Variants in TEX10 observed in about 807,000 individuals in gnomAD.
TEX10 encodes the protein testis expressed 10.
Under a neutral mutation model 104.4 loss-of-function variants are expected in TEX10, and 24 were observed. That is an observed-to-expected ratio of 0.23 (90% CI 0.17 to 0.32). The LOEUF (loss-of-function observed/expected upper bound fraction) is 0.32. Ranked by LOEUF, TEX10 falls within the 10% of genes least tolerant of loss-of-function variation. TEX10 has a pLI of 1.00. For synonymous variants in TEX10, 396 were observed against 393.4 expected (o/e 1.01, Z -0.08); for missense variants, 921 against 1,083.9 (o/e 0.85, Z 2.11).
chr9:100,307,889 G>A (rs963800786), intron 13 of TEX10: 1 of 152,060 alleles, frequency 6.6e-6, no homozygotes, highest in South Asian at 2.1e-4. Context: ...TTAACAGCAG[G>A]TGACAGAATA....
intron 11 of TEX10, among the ~76,000 whole-genome samples, chr9:100,319,809 A>AAAAAT (rs1034971803): frequency 1.1e-3 from 162 of 152,290 alleles, no homozygotes; most frequent in African/African-American, 3.7e-3. Context: ...TCTGTCTCAA[A>AAAAAT]AAAATAAAAT....
Position 100,331,758 on chromosome 9 carries a change from G to A in TEX10, c.1251-1589C>T, listed in dbSNP as rs573460241. Among the ~76,000 whole-genome samples, 4 of 152,166 alleles carry A rather than the reference G, an allele frequency of 2.6e-5. No individual in the cohort carries two copies. In the East Asian group the frequency reaches 5.8e-4, roughly 22 times the overall value. On this transcript the variant is annotated intron_variant, in intron 5 of 14. Transcript: ENST00000374902. ...TTCAGAGACATGATTGTGTGGATACGAAAAGGACAATGAGTTACAGCCTAT... is the reference window on the plus strand; with the variant it reads ...TTCAGAGACATGATTGTGTGGATACAAAAAGGACAATGAGTTACAGCCTAT...
In TEX10 at chr9:100,329,222, G is replaced by A. The variant is rs1304834367; in HGVS notation, c.1543C>T (p.Leu515Phe). 1 of 1,612,672 alleles carries A rather than the reference G, an allele frequency of 6.2e-7. No individual in the cohort carries two copies. The highest frequency in any genetic ancestry group is 8.5e-7 in the Non-Finnish European group (1 of 1,179,642). ...AVYTLYQQRG[L>F]ILPVRTLLLK... is the part of the protein sequence containing the mutation. ...AACAAAGTCCGAACTGGAAGGATAA[G>A]GCCCCTCTGCTGATATAATGTATAA... Residue 515 changes from leucine (L) to phenylalanine (F), a missense_variant, in exon 7 of 15, where the codon CTT becomes TTT. By Grantham distance (22) the Leu-to-Phe change is conservative (BLOSUM62 0). Around this residue, in one of 3 missense-constraint regions of TEX10, gnomAD observed 753 missense variants for 868.4 expected, o/e 0.87. Transcript: ENST00000374902.
At chr9:100,325,754 C>T (rs563321191) in intron 9 of TEX10, among the ~76,000 whole-genome samples, 12 of 152,292 alleles carry the variant, frequency 7.9e-5, no homozygotes, top group African/African-American at 2.9e-4. Context: ...TGGTCTTGAA[C>T]TTCTGACCTC....
At chr9:100,352,449 A>C (rs1361750109) in intron 1 of TEX10, 10 of 1,551,540 alleles carry the variant, frequency 6.4e-6, no homozygotes, top group Middle Eastern at 1.7e-4. Context: ...CGTTCCTCCT[A>C]CTCCAAGGGA....
At chr9:100,315,351 G>A (rs558844806) in intron 11 of TEX10, among the ~76,000 whole-genome samples, 22 of 152,244 alleles carry the variant, frequency 1.4e-4, no homozygotes, top group African/African-American at 5.3e-4. Flanking sequence ...AGACTGGGGT[G>A]TTAAAGCACC....
intron 2 of TEX10, among the ~76,000 whole-genome samples, chr9:100,347,870 TTAAA>T (rs1308594197): frequency 4.6e-5 from 7 of 152,168 alleles, no homozygotes; most frequent in Non-Finnish European, 8.8e-5. Context: ...AAAAAAAACT[TTAAA>T]TAACTCTTTA....
At position 100,323,299 on chromosome 9, in the gene TEX10, C is replaced by T. The variant is rs187857526; in HGVS notation, c.1980-1528G>A. On this transcript the variant is annotated intron_variant, in intron 9 of 14. Transcript: ENST00000374902. The stretch of plus-strand genomic sequence containing the variant: ...TCTGTGAGTAAAAGGGGGTGGCTGG[C>T]GCTGATTATGCTGGGCCAAAAGGAG... 3.3e-3 allele frequency among the ~76,000 whole-genome samples: 506 copies of T among 152,270 alleles called. 1 individual carries two copies. Among genetic ancestry groups the T allele is most frequent in the Middle Eastern group, 0.017 (5 of 294 alleles).
At chr9:100,339,394 TTAG>T (rs1318252545) in intron 5 of TEX10, among the ~76,000 whole-genome samples, 2 of 143,740 alleles carry the variant, frequency 1.4e-5, no homozygotes, top group African/African-American at 2.6e-5. Flanking sequence ...ATAAAACTGC[TTAG>T]GAGGGCAAGG....
At chr9:100,331,921 T>C (rs1587731764) in intron 5 of TEX10, among the ~76,000 whole-genome samples, 1 of 152,122 alleles carries the variant, frequency 6.6e-6, no homozygotes, top group East Asian at 1.9e-4. Context: ...TATATACAAA[T>C]ATGTGAGTCT....
At chr9:100,308,422 TTAAC>T in intron 13 of TEX10, 74 bp downstream of exon 13, 1 of 1,281,442 alleles carries the variant, frequency 7.8e-7, no homozygotes, top group Non-Finnish European at 1.1e-6. Flanking sequence ...CTAATTATCT[TTAAC>T]TGTCTATTTT....
intron 9 of TEX10, among the ~76,000 whole-genome samples, chr9:100,322,751 GATT>G (rs1181942273): frequency 6.6e-6 from 1 of 152,082 alleles, no homozygotes; most frequent in African/African-American, 2.4e-5. Flanking sequence ...GAGTAGCTGG[GATT>G]ATAGACGTGC....
intron 12 of TEX10, among the ~76,000 whole-genome samples, chr9:100,309,144 G>A (rs1328635408): frequency 6.6e-6 from 1 of 152,132 alleles, no homozygotes; most frequent in East Asian, 1.9e-4. Context: ...GCCTTCCTCT[G>A]CACTTTGATT....
rs766342171 is a variant in TEX10, at chr9:100,349,382, AAAG to A, written c.-9-13_-9-11del. On this transcript the variant is annotated splice_polypyrimidine_tract_variant and intron_variant, in intron 1 of 14. Transcript: ENST00000374902. ...TAGTCATTCTCGACTACTATAATGA[AAAG>A]AATTAATTAAAAGCAATGGATAGAG... 2.0e-6 allele frequency: 3 copies of A among 1,529,810 alleles called. No individual in the cohort carries two copies. In the African/African-American group the frequency reaches 4.2e-5, roughly 21 times the overall value. The allele number at this position is 1,529,810 out of a possible 1,614,324, so 94.8% of individuals were successfully genotyped here.
chr9:100,314,143 A>C (rs938531088), intron 11 of TEX10, among the ~76,000 whole-genome samples: 4 of 147,024 alleles, frequency 2.7e-5, no homozygotes, highest in Non-Finnish European at 4.5e-5. Flanking sequence ...GCTGGAGTGC[A>C]GTGGCACTGT....
rs773030060 is a variant in TEX10, at chr9:100,310,402, C to A, written c.2203-23G>T. The A allele has an allele frequency of 1.2e-4, 186 of 1,591,272 alleles. 2 individuals are homozygous for A. The South Asian group carries it at 2.0e-3, about 17-fold the overall frequency. Reference sequence around the variant, plus strand: ...TGCCTGTCAGAAAAGGAGAAAACCACTAACCAAATCAGAACATTTTAGATC... The same window carrying A: ...TGCCTGTCAGAAAAGGAGAAAACCAATAACCAAATCAGAACATTTTAGATC... On this transcript the variant is annotated intron_variant, in intron 11 of 14. Coordinates refer to ENST00000374902, the MANE Select transcript of TEX10 (RefSeq NM_017746.4).
chr9:100,352,411 G>T (rs554727305), intron 1 of TEX10: 6 of 1,551,720 alleles, frequency 3.9e-6, no homozygotes, highest in Non-Finnish European at 4.4e-6. Flanking sequence ...TCCCAGAGGC[G>T]AACACACCAT....
At chr9:100,304,222 A>ATTC in intron 13 of TEX10, 1 of 226,498 alleles carries the variant, frequency 4.4e-6, no homozygotes, top group Non-Finnish European at 8.9e-6. Context: ...TACCAACATC[A>ATTC]TTCTTCACAC....
chr9:100,309,950 C>T (rs534665541), intron 12 of TEX10, among the ~76,000 whole-genome samples: 1 of 152,242 alleles, frequency 6.6e-6, no homozygotes, highest in African/African-American at 2.4e-5. Context: ...CTAGGTGGAA[C>T]CCAGACTTCA....
Sources: gnomAD v4.1 joint callset for allele counts (sites outside exome capture counted in the v4.1 genomes callset) on GRCh38, gnomAD v4.1.1 for gene constraint, gnomAD v4.1.1 regional missense constraint, MANE v1.5 for transcripts, NCBI Gene and HGNC (gene_info 2026-07-23, HGNC 2026-07-21) for gene names.